Variants in NCK1 observed in about 807,000 individuals in gnomAD.
NCK1 encodes NCK adaptor protein 1.
NCK1 carries 19 observed loss-of-function variants against 36.6 expected under a neutral mutation model. The ratio of observed to expected loss-of-function variants is 0.52; its 90% CI spans 0.36 to 0.76. NCK1 has a LOEUF of 0.76. Ranked by LOEUF, NCK1 falls within the 30% of genes least tolerant of loss-of-function variation. The probability of loss-of-function intolerance (pLI) is 0.00; values close to 1 mark genes in which losing one functional copy is unlikely to be tolerated. For synonymous variants in NCK1, 165 were observed against 156.0 expected, an observed-to-expected ratio of 1.06 and a Z score of -0.43; for missense variants, 358 against 445.6, an observed-to-expected ratio of 0.80 and a Z score of 1.77.
chr3:136,910,033 CTCTG>C (rs1939795733), intron 1 of NCK1, among the ~76,000 whole-genome samples: 1 of 152,106 alleles, frequency 6.6e-6, no homozygotes, highest in Non-Finnish European at 1.5e-5. Context: ...TCTTGCCAAT[CTCTG>C]TCTTTTGATT....
intron 2 of NCK1, among the ~76,000 whole-genome samples, chr3:136,936,198 G>T (rs184766917): frequency 1.3e-5 from 2 of 151,908 alleles, no homozygotes; most frequent in African/African-American, 2.4e-5. Flanking sequence ...ATGCCACCAC[G>T]CCTGGCTAAT....
intron 2 of NCK1, among the ~76,000 whole-genome samples, chr3:136,933,748 A>C (rs1005777668): frequency 6.6e-6 from 1 of 151,936 alleles, no homozygotes; most frequent in Non-Finnish European, 1.5e-5. Context: ...TCTGCCACCC[A>C]GGCTGGAGTG....
At chr3:136,945,550 TTCTCC>T in intron 2 of NCK1, 28 bp from the exon 3 acceptor site, 1 of 1,408,550 alleles carries the variant, frequency 7.1e-7, no homozygotes, top group Non-Finnish European at 9.7e-7. Context: ...TTTTTTTATA[TTCTCC>T]TCTCATGGCC....
At chr3:136,940,661 C>G (rs954782756) in intron 2 of NCK1, among the ~76,000 whole-genome samples, 38 of 152,240 alleles carry the variant, frequency 2.5e-4, no homozygotes, top group African/African-American at 8.4e-4. Flanking sequence ...TCTTCTGTCT[C>G]AGCCTCCTGA....
intron 3 of NCK1, among the ~76,000 whole-genome samples, chr3:136,947,918 G>A (rs1940870151): frequency 6.6e-6 from 1 of 152,104 alleles, no homozygotes. Context: ...AGAGAAGATA[G>A]CTCTTGTTCT....
rs138322730 is a variant in NCK1, at chr3:136,917,792, C to T, written c.-18-10192C>T. ...TTAGGTTGAGTAAAATCTCTGCTTC[C>T]ATGTCTCAGGAAGATAATTCCCAGA... On this transcript the variant is annotated intron_variant, in intron 1 of 3. Coordinates refer to ENST00000481752, the MANE Select transcript of NCK1 (RefSeq NM_001291999.2). Among the ~76,000 whole-genome samples, 376 of 152,286 alleles carry T rather than the reference C, an allele frequency of 2.5e-3. 1 individual carries two copies. The highest frequency in any genetic ancestry group is 7.7e-3 in the African/African-American group (322 of 41,562).
chr3:136,865,877 C>T (rs116048087), intron 1 of NCK1, among the ~76,000 whole-genome samples: 8 of 152,306 alleles, frequency 5.3e-5, no homozygotes, highest in African/African-American at 1.4e-4. Context: ...GTTTTGGTGA[C>T]ATTACCATGC....
At chr3:136,900,156 A>G in intron 1 of NCK1, 1 of 298,174 alleles carries the variant, frequency 3.4e-6, no homozygotes, top group Non-Finnish European at 6.4e-6. Context: ...ACCCAAAACC[A>G]GACATTGGCG....
chr3:136,946,164 A>G lies in NCK1; in HGVS notation c.808A>G (p.Arg270Gly). The change falls in exon 3 of 4, where the codon AGG becomes GGG. Residue 270 changes from arginine (R) to glycine (G), a missense_variant. By Grantham distance (125) the Arg-to-Gly change is moderately radical (BLOSUM62 -2). Transcript: ENST00000481752. ...ATCACCTCCACAGTGTGATTACATT[A>G]GGCCTTCACTCACTGGAAAGTTTGC... is the stretch of plus-strand genomic sequence containing the variant. ...EPSPPQCDYI[R>G]PSLTGKFAGN... 6.2e-7 allele frequency: 1 copy of G among 1,613,724 alleles called. No individual in the cohort carries two copies. Among genetic ancestry groups the G allele is most frequent in the Non-Finnish European group, 8.5e-7 (1 of 1,179,906 alleles).
chr3:136,867,167 TCCTTCCTTC>T (rs1938466302), intron 1 of NCK1, among the ~76,000 whole-genome samples: 1 of 59,360 alleles, frequency 1.7e-5, no homozygotes, highest in African/African-American at 6.6e-5. Context: ...CTTCCTTCCT[TCCTTCCTTC>T]CTTCTTTCTT....
intron 1 of NCK1, among the ~76,000 whole-genome samples, chr3:136,894,058 TCTCATTGTGTACA>T (rs1338601796): frequency 6.6e-6 from 1 of 152,176 alleles, no homozygotes; most frequent in Non-Finnish European, 1.5e-5. Flanking sequence ...TGCTCCCTAA[TCTCATTGTGTACA>T]ACAGGTCCTA....
intron 1 of NCK1, among the ~76,000 whole-genome samples, chr3:136,890,294 G>C (rs1454871136): frequency 6.6e-6 from 1 of 152,138 alleles, no homozygotes; most frequent in African/African-American, 2.4e-5. Context: ...CTCTGAGTGC[G>C]TGCGGGGCCT....
At chr3:136,880,159 C>T (rs571706062) in intron 1 of NCK1, among the ~76,000 whole-genome samples, 1 of 151,842 alleles carries the variant, frequency 6.6e-6, no homozygotes, top group African/African-American at 2.4e-5. Context: ...GTGGTGGGCG[C>T]CTGTAGTCCC....
intron 1 of NCK1, among the ~76,000 whole-genome samples, chr3:136,865,990 T>C (rs1938400206): frequency 6.6e-6 from 1 of 152,220 alleles, no homozygotes; most frequent in East Asian, 1.9e-4. Flanking sequence ...CACTAGCCTT[T>C]AATTGGGTTT....
rs527628937 is a variant in NCK1, at chr3:136,943,785, T to C, written c.227-1798T>C. ...AGTAAACAAGTACAATGCAGTGTTA[T>C]AATAACAAGGTTAGAGGAGCCTAGA... is the stretch of plus-strand genomic sequence containing the variant. On this transcript the variant is annotated intron_variant, in intron 2 of 3. Transcript: ENST00000481752. Among the ~76,000 whole-genome samples the C allele has an allele frequency of 5.4e-4, 83 of 152,308 alleles. 1 individual carries two copies. Among genetic ancestry groups the C allele is most frequent in the Non-Finnish European group, 5.4e-4 (37 of 68,030 alleles).
intron 1 of NCK1, among the ~76,000 whole-genome samples, chr3:136,895,923 T>G (rs1939380620): frequency 6.6e-6 from 1 of 152,210 alleles, no homozygotes; most frequent in South Asian, 2.1e-4. Context: ...ACATCTATTT[T>G]AATTATGATA....
intron 1 of NCK1, among the ~76,000 whole-genome samples, chr3:136,888,468 T>C (rs1290878407): frequency 6.6e-6 from 1 of 151,558 alleles, no homozygotes; most frequent in East Asian, 1.9e-4. Flanking sequence ...AGTGGCAAAA[T>C]CTTGGCTGAC....
intron 2 of NCK1, among the ~76,000 whole-genome samples, chr3:136,935,962 C>G (rs1940518940): frequency 1.3e-5 from 2 of 151,500 alleles, no homozygotes; most frequent in Admixed American, 6.6e-5. Context: ...TGGCTTCTTT[C>G]ATTTAGTATA....
intron 1 of NCK1, among the ~76,000 whole-genome samples, chr3:136,864,319 C>G (rs985155091): frequency 6.6e-6 from 1 of 151,188 alleles, no homozygotes; most frequent in East Asian, 2.0e-4. Context: ...GGTGAAACCG[C>G]GTCTCTACTG....
Sources: gnomAD v4.1 joint callset for allele counts (sites outside exome capture counted in the v4.1 genomes callset) on GRCh38, gnomAD v4.1.1 for gene constraint, MANE v1.5 for transcripts, NCBI Gene and HGNC (gene_info 2026-07-23, HGNC 2026-07-21) for gene names.